Variants in REV1 observed in about 807,000 individuals in gnomAD.
REV1 encodes translesion synthesis protein REV1.
Under a neutral mutation model 137.4 loss-of-function variants are expected in REV1, and 42 were observed. That is an observed-to-expected ratio of 0.31 (90% CI 0.24 to 0.40). REV1 has a LOEUF of 0.40. REV1 is among the 10% of genes least tolerant of loss of function. The probability of loss-of-function intolerance (pLI) is 1.00; values close to 1 mark genes in which losing one functional copy is unlikely to be tolerated. For synonymous variants in REV1, 524 were observed against 519.2 expected, an observed-to-expected ratio of 1.01 and a Z score of -0.12; for missense variants, 1,282 against 1,490.1, an observed-to-expected ratio of 0.86 and a Z score of 2.30.
intron 3 of REV1, among the ~76,000 whole-genome samples, chr2:99,458,510 G>C (rs2105064492): frequency 6.6e-6 from 1 of 152,178 alleles, no homozygotes; most frequent in South Asian, 2.1e-4. Context: ...AACCACTTTG[G>C]GTAACAGTTT....
Position 99,403,819 on chromosome 2 carries a change from G to T in REV1, c.3046-4C>A. 1 of 1,613,996 alleles carries T rather than the reference G, an allele frequency of 6.2e-7. No homozygotes were observed. The highest frequency in any genetic ancestry group is 1.7e-4 in the Middle Eastern group (1 of 6,032). On this transcript the variant is annotated splice_polypyrimidine_tract_variant and splice_region_variant and intron_variant, in intron 18 of 22. Transcript: ENST00000258428. ...CAGCAAATACCTCAGGGTCCACCTAGTGGAAAAGACGAGGTCAAAGTCAAA... is the reference window on the plus strand; with the variant it reads ...CAGCAAATACCTCAGGGTCCACCTATTGGAAAAGACGAGGTCAAAGTCAAA...
In REV1 at chr2:99,408,065, A is replaced by G; in HGVS notation, c.2412T>C (p.Phe804=). 6.2e-7 allele frequency: 1 copy of G among 1,610,098 alleles called. No homozygotes were observed. Among genetic ancestry groups the G allele is most frequent in the East Asian group, 2.2e-5 (1 of 44,702 alleles). The change falls in exon 15 of 23, where the codon TTT becomes TTC. Residue 804 remains phenylalanine, a synonymous_variant. Transcript: ENST00000258428. The stretch of plus-strand genomic sequence containing the variant: ...CTGATATATTTAGTTTCATTGTATG[A>G]AACATGTTTAGCATCGCCTTTCCAA... ...KIIGKAMLNM[F]HTMKLNISDM... is the part of the protein sequence containing the mutation.
At position 99,462,554 on chromosome 2, in the gene REV1, C is replaced by T. The variant is rs780745137; in HGVS notation, c.123G>A (p.Lys41=). The change falls in exon 3 of 23, where the codon AAG becomes AAA. Residue 41 remains lysine (K), a synonymous_variant. Coordinates refer to ENST00000258428, the MANE Select transcript of REV1 (RefSeq NM_016316.4). ...EQFRSDAAMQ[K]DGTSSTIFSG... is the part of the protein sequence containing the mutation. ...TAAAAATTGTAGATGAAGTCCCATCCTTCTGCATAGCAGCATCTGATCGAA... is the reference window on the plus strand; with the variant it reads ...TAAAAATTGTAGATGAAGTCCCATCTTTCTGCATAGCAGCATCTGATCGAA... 6.2e-7 allele frequency: 1 copy of T among 1,613,772 alleles called. No homozygotes were observed. The highest frequency in any genetic ancestry group is 1.3e-5 in the African/African-American group (1 of 75,006).
At chr2:99,483,383 C>A (rs1371795751) in intron 1 of REV1, among the ~76,000 whole-genome samples, 1 of 152,172 alleles carries the variant, frequency 6.6e-6, no homozygotes, top group African/African-American at 2.4e-5. Context: ...TCATTTTAGC[C>A]TTGGGTATGA....
intron 13 of REV1, 40 bp downstream of exon 13, chr2:99,412,691 A>G: frequency 6.9e-7 from 1 of 1,456,420 alleles, no homozygotes; most frequent in East Asian, 2.3e-5. Flanking sequence ...GTAAAAATAT[A>G]AAGAGCAACA....
intron 1 of REV1, among the ~76,000 whole-genome samples, chr2:99,469,159 A>C (rs944262700): frequency 3.9e-5 from 6 of 152,188 alleles, no homozygotes; most frequent in Admixed American, 3.9e-4. Context: ...AAAAACAGCA[A>C]GCAAGCAAGG....
rs1680471826 is a variant in REV1 at position 99,434,373 on chromosome 2, T to A, written c.1397A>T (p.Glu466Val). Residue 466 changes from glutamate (E) to valine (V), a missense_variant, in exon 8 of 23, where the codon GAG becomes GTG. Glu to Val is a moderately radical substitution (Grantham distance 121). Coordinates refer to ENST00000258428, the MANE Select transcript of REV1 (RefSeq NM_016316.4). ...GATTTTATTCTGGTAATACTGCCACTCCAGCTGGGGGTTAGCGCCAGGACG... is the reference window on the plus strand; with the variant it reads ...GATTTTATTCTGGTAATACTGCCACACCAGCTGGGGGTTAGCGCCAGGACG... ...PLRPGANPQL[E>V]WQYYQNKILK... 6.2e-7 allele frequency: 1 copy of A among 1,608,890 alleles called. No homozygotes were observed. The highest frequency in any genetic ancestry group is 8.5e-7 in the Non-Finnish European group (1 of 1,177,878).
intron 4 of REV1, among the ~76,000 whole-genome samples, chr2:99,447,318 G>A (rs756380447): frequency 3.3e-5 from 5 of 151,778 alleles, no homozygotes; most frequent in South Asian, 2.1e-4. Context: ...GACTACAGGC[G>A]CGCGCCACCA....
chr2:99,485,870 T>C (rs1382115794), intron 1 of REV1, among the ~76,000 whole-genome samples: 2 of 152,136 alleles, frequency 1.3e-5, no homozygotes, highest in Non-Finnish European at 2.9e-5. Flanking sequence ...AATCCCACCA[T>C]TTTGGGAGGA....
chr2:99,401,455 AAAG>A (rs1443730916), intron 22 of REV1, 103 bp from the exon 23 acceptor site: 1 of 783,330 alleles, frequency 1.3e-6, no homozygotes, highest in Admixed American at 2.8e-5. Flanking sequence ...AAAAAAAAAA[AAAG>A]TCCTGGCCAG....
chr2:99,424,350 TTGA>T (rs1447342187), intron 9 of REV1, 70 bp from the exon 10 acceptor site: 2 of 1,467,014 alleles, frequency 1.4e-6, no homozygotes, highest in African/African-American at 2.8e-5. Flanking sequence ...ATCAAATATG[TTGA>T]TATCTCCCCA....
intron 6 of REV1, 83 bp from the exon 7 acceptor site, chr2:99,436,024 ATTT>A (rs1680702626): frequency 1.2e-6 from 1 of 802,628 alleles, no homozygotes; most frequent in African/African-American, 1.8e-5. Flanking sequence ...TAGAAATTAT[ATTT>A]AAAACATGCT....
intron 8 of REV1, among the ~76,000 whole-genome samples, chr2:99,432,888 C>A (rs977733747): frequency 2.0e-5 from 3 of 152,000 alleles, no homozygotes; most frequent in African/African-American, 4.8e-5. Flanking sequence ...GAAGAAAAGA[C>A]AAAAGAGGAC....
intron 6 of REV1, among the ~76,000 whole-genome samples, chr2:99,437,247 T>C (rs1575099580): frequency 6.6e-6 from 1 of 152,018 alleles, no homozygotes; most frequent in Non-Finnish European, 1.5e-5. Context: ...CCTCCGAAAG[T>C]GTGCGAATTA....
At chr2:99,475,334 C>T (rs999685368) in intron 1 of REV1, among the ~76,000 whole-genome samples, 5 of 152,110 alleles carry the variant, frequency 3.3e-5, no homozygotes, top group African/African-American at 1.2e-4. Context: ...GAGGAAGTAA[C>T]TTGTGGAATG....
chr2:99,459,436 T>A (rs1427496699), intron 3 of REV1, among the ~76,000 whole-genome samples: 1 of 152,176 alleles, frequency 6.6e-6, no homozygotes. Context: ...CCAGCCATGG[T>A]GGCCCATACA....
At chr2:99,423,395 C>T (rs1678929854) in intron 10 of REV1, among the ~76,000 whole-genome samples, 1 of 152,168 alleles carries the variant, frequency 6.6e-6, no homozygotes, top group African/African-American at 2.4e-5. Flanking sequence ...CTACACCAAG[C>T]CCATTCATAT....
chr2:99,444,973 CTGAGT>C (rs749039223), intron 4 of REV1, among the ~76,000 whole-genome samples: 1 of 152,136 alleles, frequency 6.6e-6, no homozygotes, highest in Non-Finnish European at 1.5e-5. Flanking sequence ...TCCTTATACA[CTGAGT>C]TTTTTCATGT....
intron 9 of REV1, among the ~76,000 whole-genome samples, chr2:99,428,753 TGGGA>T (rs1366696434): frequency 6.6e-6 from 1 of 152,144 alleles, no homozygotes; most frequent in Non-Finnish European, 1.5e-5. Context: ...CCCAGCACTT[TGGGA>T]GGCTGAGGCG....
Sources: allele counts gnomAD v4.1 joint callset (sites outside exome capture counted in the v4.1 genomes callset), GRCh38; gene constraint gnomAD v4.1.1; transcripts MANE v1.5; gene names NCBI Gene and HGNC (gene_info 2026-07-23, HGNC 2026-07-21).